The following AMOTL1 variants were observed in gnomAD, a reference collection of about 807,000 sequenced individuals.
AMOTL1 encodes the protein angiomotin-like protein 1.
A neutral mutation model predicts 102.9 loss-of-function variants in AMOTL1; 45 were observed. The ratio of observed to expected loss-of-function variants is 0.44; its 90% CI spans 0.34 to 0.56. The LOEUF is 0.56. AMOTL1 is among the 20% of genes least tolerant of loss of function. The probability of loss-of-function intolerance (pLI) is 0.01; values close to 1 mark genes in which losing one functional copy is unlikely to be tolerated. For missense variants in AMOTL1, 1,114 were observed against 1,225.6 expected (o/e 0.91, Z 1.36); for synonymous variants, 481 against 484.7 (o/e 0.99, Z 0.10).
chr11:94,733,366 T>A (rs577062058), intron 2 of AMOTL1, among the ~76,000 whole-genome samples: 2 of 152,366 alleles, frequency 1.3e-5, no homozygotes, highest in South Asian at 4.1e-4. Context: ...AAGTCTCTCA[T>A]CTGTTTCAAC....
At chr11:94,859,108 CTT>C (rs1310696203) in intron 8 of AMOTL1, among the ~76,000 whole-genome samples, 1 of 152,150 alleles carries the variant, frequency 6.6e-6, no homozygotes, top group African/African-American at 2.4e-5. Context: ...ACTGGAATCA[CTT>C]TGTGGAATTC....
chr11:94,840,703 CACACAT>C (rs1490847589), intron 6 of AMOTL1, among the ~76,000 whole-genome samples: 8 of 145,322 alleles, frequency 5.5e-5, no homozygotes, highest in East Asian at 2.0e-4. Flanking sequence ...CACACACACA[CACACAT>C]ATATATATAC....
chr11:94,707,246 C>CTG (rs1173917311), intron 1 of AMOTL1, among the ~76,000 whole-genome samples: 1,921 of 59,814 alleles, frequency 0.032, 25 homozygotes, highest in South Asian at 0.074. Context: ...CTCTCTCTCT[C>CTG]TCTCTGTGTG....
At chr11:94,786,785 T>G (rs901386794) in intron 1 of AMOTL1, among the ~76,000 whole-genome samples, 1 of 152,212 alleles carries the variant, frequency 6.6e-6, no homozygotes, top group African/African-American at 2.4e-5. Flanking sequence ...AAGGCAAACT[T>G]AACTTTGAGC....
chr11:94,809,478 C>T (rs1207272346), intron 3 of AMOTL1, among the ~76,000 whole-genome samples: 1 of 152,218 alleles, frequency 6.6e-6, no homozygotes, highest in Non-Finnish European at 1.5e-5. Flanking sequence ...CATGGCATTG[C>T]ATTCCGTGGT....
intron 6 of AMOTL1, among the ~76,000 whole-genome samples, chr11:94,836,014 G>T (rs976725812): frequency 6.6e-6 from 1 of 152,126 alleles, no homozygotes; most frequent in African/African-American, 2.4e-5. Context: ...TCTTACCCTT[G>T]AATCTTATTT....
intron 4 of AMOTL1, among the ~76,000 whole-genome samples, chr11:94,828,226 T>G (rs970838937): frequency 8.5e-5 from 13 of 152,230 alleles, no homozygotes; most frequent in Non-Finnish European, 1.6e-4. Flanking sequence ...GTATTTGCTT[T>G]CTTTCTTCCT....
intron 1 of AMOTL1, among the ~76,000 whole-genome samples, chr11:94,771,629 A>G (rs1187215548): frequency 2.6e-5 from 4 of 152,054 alleles, no homozygotes; most frequent in Non-Finnish European, 4.4e-5. Flanking sequence ...GCAGTCCTCT[A>G]CTTTTGCTGG....
intron 3 of AMOTL1, among the ~76,000 whole-genome samples, chr11:94,804,580 C>T (rs1951536489): frequency 6.6e-6 from 1 of 152,222 alleles, no homozygotes; most frequent in Non-Finnish European, 1.5e-5. Context: ...GTGAACACTG[C>T]ACCCTGCCTG....
chr11:94,850,384 G>C, intron 7 of AMOTL1, 125 bp downstream of exon 7: 2 of 1,269,208 alleles, frequency 1.6e-6, no homozygotes, highest in Non-Finnish European at 2.1e-6. Flanking sequence ...ACAGGGGAGG[G>C]ATATGGGAAA....
At chr11:94,869,976 A>G (rs1952963385) in intron 12 of AMOTL1, among the ~76,000 whole-genome samples, 1 of 152,228 alleles carries the variant, frequency 6.6e-6, no homozygotes, top group Non-Finnish European at 1.5e-5. Context: ...GCTGTTTAAA[A>G]TATTTACGGG....
intron 1 of AMOTL1, among the ~76,000 whole-genome samples, chr11:94,713,672 C>T (rs549728900): frequency 2.0e-5 from 3 of 151,908 alleles, no homozygotes; most frequent in African/African-American, 7.2e-5. Flanking sequence ...ACTTCAGTTT[C>T]CACATATACA....
intron 6 of AMOTL1, among the ~76,000 whole-genome samples, chr11:94,832,219 T>G (rs561441865): frequency 6.6e-6 from 1 of 152,332 alleles, no homozygotes; most frequent in South Asian, 2.1e-4. Flanking sequence ...TGTCTTTTTT[T>G]AAGCTGTTTT....
At chr11:94,807,546 A>G (rs994134004) in intron 3 of AMOTL1, among the ~76,000 whole-genome samples, 4 of 152,232 alleles carry the variant, frequency 2.6e-5, no homozygotes, top group Non-Finnish European at 4.4e-5. Flanking sequence ...AAAACTATCA[A>G]GAGTAGAAGA....
intron 3 of AMOTL1, among the ~76,000 whole-genome samples, chr11:94,813,984 C>T (rs1272518365): frequency 6.6e-6 from 1 of 152,190 alleles, no homozygotes; most frequent in East Asian, 1.9e-4. Flanking sequence ...GAAGAGGAAA[C>T]GCAGCTGTCT....
chr11:94,781,633 G>A (rs573563646), intron 1 of AMOTL1, among the ~76,000 whole-genome samples: 10 of 152,074 alleles, frequency 6.6e-5, no homozygotes, highest in African/African-American at 2.2e-4. Flanking sequence ...TCAGGAGATC[G>A]AGACCATCCT....
intron 2 of AMOTL1, among the ~76,000 whole-genome samples, chr11:94,734,822 TTCTG>T (rs1423787591): frequency 6.6e-6 from 1 of 152,180 alleles, no homozygotes; most frequent in Non-Finnish European, 1.5e-5. Context: ...GCTCACTTCT[TTCTG>T]TCTTTCATGC....
chr11:94,709,130 A>C (rs71473211), intron 1 of AMOTL1, among the ~76,000 whole-genome samples: 3,627 of 152,312 alleles, frequency 0.024, 88 homozygotes, highest in East Asian at 0.1. Flanking sequence ...TAGACTGTAC[A>C]AATTCTTTGC....
chr11:94,854,934 C>A (rs761235412), intron 8 of AMOTL1, among the ~76,000 whole-genome samples: 1 of 152,194 alleles, frequency 6.6e-6, no homozygotes, highest in Non-Finnish European at 1.5e-5. Context: ...GAGCATGTAA[C>A]TCAGCTATGA....
Sources: allele counts gnomAD v4.1 joint callset (sites outside exome capture counted in the v4.1 genomes callset), GRCh38; gene constraint gnomAD v4.1.1; transcripts MANE v1.5; gene names NCBI Gene and HGNC (gene_info 2026-07-23, HGNC 2026-07-21).